INPP4B: variants seen among roughly 807,000 people sequenced by gnomAD.
INPP4B encodes inositol polyphosphate-4-phosphatase type II B.
A neutral mutation model predicts 122.5 loss-of-function variants in INPP4B; 55 were observed. That is an observed-to-expected ratio of 0.45 (90% CI 0.36 to 0.56). The LOEUF (loss-of-function observed/expected upper bound fraction) is 0.56, where lower values mean the gene tolerates loss of function less well. INPP4B is among the 20% of genes least tolerant of loss of function. The pLI, the probability that INPP4B is intolerant of heterozygous loss-of-function variation, is 0.00. For synonymous variants in INPP4B, 403 were observed against 388.7 expected, an observed-to-expected ratio of 1.04 and a Z score of -0.43; for missense variants, 1,000 against 1,097.7, an observed-to-expected ratio of 0.91 and a Z score of 1.26.
intron 10 of INPP4B, among the ~76,000 whole-genome samples, chr4:142,269,630 AG>A (rs1744779302): frequency 6.6e-6 from 1 of 152,176 alleles, no homozygotes; most frequent in Non-Finnish European, 1.5e-5. Context: ...AGGAGGAATA[AG>A]CTTTAGTGAG....
chr4:142,509,741 C>T (rs1451511262), intron 2 of INPP4B, among the ~76,000 whole-genome samples: 2 of 152,100 alleles, frequency 1.3e-5, no homozygotes, highest in East Asian at 3.9e-4. Context: ...GGCCTAAAAC[C>T]ATGGACCAGT....
chr4:142,766,427 G>T (rs917667079), intron 1 of INPP4B, among the ~76,000 whole-genome samples: 3 of 151,710 alleles, frequency 2.0e-5, no homozygotes, highest in Admixed American at 6.6e-5. Flanking sequence ...TGTCACCCAG[G>T]CTGAAGTGCA....
At chr4:142,776,229 A>G (rs1773894373) in intron 1 of INPP4B, among the ~76,000 whole-genome samples, 1 of 152,194 alleles carries the variant, frequency 6.6e-6, no homozygotes, top group Admixed American at 6.5e-5. Context: ...CCAAGAAAAC[A>G]CAAGTTGAGT....
intron 2 of INPP4B, among the ~76,000 whole-genome samples, chr4:142,474,063 A>G (rs1192828944): frequency 2.6e-5 from 4 of 151,528 alleles, no homozygotes; most frequent in Non-Finnish European, 4.4e-5. Flanking sequence ...CACCCTTACC[A>G]CTAGTAGCCA....
At position 142,123,291 on chromosome 4, in the gene INPP4B, C is replaced by T. The variant is rs2152753585; in HGVS notation, c.2017+1G>A. The stretch of plus-strand genomic sequence containing the variant: ...TTAACTTGTACTAAAGCAATACTCA[C>T]TGTATGTACTTAGCAGTCCTTCATA... On this transcript the variant is annotated splice_donor_variant, in intron 20 of 25. Transcript: ENST00000262992. LOFTEE classifies it high-confidence loss of function. 1 of 1,606,170 alleles carries T rather than the reference C, an allele frequency of 6.2e-7. No homozygotes were observed. The highest frequency in any genetic ancestry group is 8.5e-7 in the Non-Finnish European group (1 of 1,176,002).
Position 142,122,209 on chromosome 4 carries a change from C to T in INPP4B, c.2054G>A (p.Gly685Asp), listed in dbSNP as rs1347364566. 6.2e-7 allele frequency: 1 copy of T among 1,611,682 alleles called. No homozygotes were observed. Among genetic ancestry groups the T allele is most frequent in the Non-Finnish European group, 8.5e-7 (1 of 1,178,860 alleles). ...EIGMLEDMAV[G>D]ISDLKKVAFK... ...TGCAACTTTCTTTAAATCGGAAATG[C>T]CAACGGCCATGTCCTCTAGCATTCC... The change falls in exon 21 of 26, where the codon GGC becomes GAC. Residue 685 changes from glycine to aspartate, a missense_variant. Coordinates refer to ENST00000262992, the MANE Select transcript of INPP4B (RefSeq NM_001101669.3).
At chr4:142,490,523 T>G (rs2149780362) in intron 2 of INPP4B, among the ~76,000 whole-genome samples, 1 of 152,298 alleles carries the variant, frequency 6.6e-6, no homozygotes, top group Middle Eastern at 3.4e-3. Flanking sequence ...TCAAGCTAAT[T>G]AACCTATCCA....
chr4:142,326,170 C>A (rs1350205882), intron 7 of INPP4B, among the ~76,000 whole-genome samples: 1 of 152,210 alleles, frequency 6.6e-6, no homozygotes, highest in East Asian at 1.9e-4. Flanking sequence ...ATTGTACAGA[C>A]CCCGTCGGTT....
intron 1 of INPP4B, among the ~76,000 whole-genome samples, chr4:142,826,496 TCA>T (rs34633285): frequency 0.1 from 15,312 of 148,854 alleles, 998 homozygotes; most frequent in African/African-American, 0.19. Context: ...GTTCATAAAA[TCA>T]CACACACACA....
At chr4:142,349,012 TG>T (rs1456451521) in intron 7 of INPP4B, among the ~76,000 whole-genome samples, 1 of 152,020 alleles carries the variant, frequency 6.6e-6, no homozygotes, top group African/African-American at 2.4e-5. Context: ...TACACTCCTT[TG>T]GAAAGAGAGA....
intron 5 of INPP4B, among the ~76,000 whole-genome samples, chr4:142,408,635 G>T (rs1803956567): frequency 6.6e-6 from 1 of 152,160 alleles, no homozygotes; most frequent in Non-Finnish European, 1.5e-5. Flanking sequence ...TCTAGGAGTG[G>T]CCTGCATCTG....
At chr4:142,538,571 T>C (rs893046291) in intron 2 of INPP4B, among the ~76,000 whole-genome samples, 3 of 152,092 alleles carry the variant, frequency 2.0e-5, no homozygotes, top group Non-Finnish European at 4.4e-5. Flanking sequence ...AAGGATACCT[T>C]CGTTGTCTAT....
chr4:142,803,517 C>A (rs1778285265), intron 1 of INPP4B, among the ~76,000 whole-genome samples: 2 of 151,532 alleles, frequency 1.3e-5, no homozygotes, highest in South Asian at 4.2e-4. Context: ...AAAAAACTAT[C>A]TCCAACACTT....
At chr4:142,088,809 C>A (rs1253362012) in intron 23 of INPP4B, among the ~76,000 whole-genome samples, 1 of 152,132 alleles carries the variant, frequency 6.6e-6, no homozygotes, top group Non-Finnish European at 1.5e-5. Context: ...AACCTAAATT[C>A]TTACGATATA....
At chr4:142,585,357 C>T (rs1735938828) in intron 2 of INPP4B, among the ~76,000 whole-genome samples, 1 of 152,088 alleles carries the variant, frequency 6.6e-6, no homozygotes, top group Non-Finnish European at 1.5e-5. Flanking sequence ...TTATGGAGTG[C>T]TTTTATGATT....
chr4:142,174,095 T>C (rs1826870035), intron 15 of INPP4B, among the ~76,000 whole-genome samples: 1 of 152,046 alleles, frequency 6.6e-6, no homozygotes, highest in Non-Finnish European at 1.5e-5. Context: ...TGCATGCACA[T>C]ATATGTAATC....
intron 25 of INPP4B, 186 bp from the exon 26 acceptor site, chr4:142,029,100 A>G: frequency 2.3e-6 from 3 of 1,331,986 alleles, no homozygotes; most frequent in African/African-American, 3.0e-5. Flanking sequence ...CAATACCATT[A>G]TTGCCCTCTG....
At chr4:142,136,083 C>A (rs1804045205) in intron 18 of INPP4B, among the ~76,000 whole-genome samples, 1 of 152,206 alleles carries the variant, frequency 6.6e-6, no homozygotes, top group African/African-American at 2.4e-5. Flanking sequence ...AGGTGTGAGC[C>A]ACCGTGCCCG....
chr4:142,409,499 T>TAATAAATAAATA (rs10524814), intron 5 of INPP4B, among the ~76,000 whole-genome samples: 14,284 of 150,396 alleles, frequency 0.095, 783 homozygotes, highest in African/African-American at 0.15. Flanking sequence ...TCTCAAAAAA[T>TAATAAATAAATA]AATAAATAAA....
Sources: allele counts gnomAD v4.1 joint callset (sites outside exome capture counted in the v4.1 genomes callset), GRCh38; gene constraint gnomAD v4.1.1; transcripts MANE v1.5; gene names NCBI Gene and HGNC (gene_info 2026-07-23, HGNC 2026-07-21).